MEF2C: variants seen among roughly 807,000 people sequenced by gnomAD.
MEF2C encodes the protein myocyte enhancer factor 2C.
A neutral mutation model predicts 50.5 loss-of-function variants in MEF2C; 6 were observed. The ratio of observed to expected loss-of-function variants is 0.12; its 90% CI spans 0.07 to 0.23. The LOEUF is 0.23. Among genes scored for constraint, MEF2C ranks in the 10% least tolerant of loss-of-function variants. MEF2C has a pLI of 1.00. For missense variants in MEF2C, 276 were observed against 605.0 expected (o/e 0.46, Z 5.70); for synonymous variants, 183 against 228.0 (o/e 0.80, Z 1.78).
intron 2 of MEF2C, among the ~76,000 whole-genome samples, chr5:88,807,224 C>G (rs1349441048): frequency 2.0e-5 from 3 of 152,102 alleles, no homozygotes; most frequent in Admixed American, 1.3e-4. Flanking sequence ...AACAACTTCT[C>G]TTTTGTTTGT....
intron 4 of MEF2C, chr5:88,752,603 G>A: frequency 2.0e-6 from 2 of 984,308 alleles, no homozygotes; most frequent in Non-Finnish European, 2.4e-6. Flanking sequence ...AGATTCAACA[G>A]AGCATGTATC....
intron 4 of MEF2C, among the ~76,000 whole-genome samples, chr5:88,752,379 C>T (rs984109659): frequency 6.6e-6 from 1 of 152,164 alleles, no homozygotes; most frequent in Non-Finnish European, 1.5e-5. Flanking sequence ...ACTGCAAGAT[C>T]AAAGGTGCCT....
intron 1 of MEF2C, among the ~76,000 whole-genome samples, chr5:88,903,143 G>A (rs1835829640): frequency 6.6e-6 from 1 of 151,472 alleles, no homozygotes; most frequent in African/African-American, 2.4e-5. Context: ...AAATATTTTT[G>A]CCTAAACTTT....
chr5:88,774,176 T>TA (rs1312999999), intron 3 of MEF2C, among the ~76,000 whole-genome samples: 4 of 151,766 alleles, frequency 2.6e-5, no homozygotes, highest in African/African-American at 9.7e-5. Context: ...TAGAAGTTGT[T>TA]AGAGTTTCAG....
intron 1 of MEF2C, among the ~76,000 whole-genome samples, chr5:88,856,891 A>G (rs1823619671): frequency 6.6e-6 from 1 of 152,250 alleles, no homozygotes; most frequent in African/African-American, 2.4e-5. Flanking sequence ...ATGTGGTCAG[A>G]GCCCTGACAT....
chr5:88,764,807 C>CA (rs869119169), intron 3 of MEF2C, among the ~76,000 whole-genome samples: 1,062 of 73,364 alleles, frequency 0.014, 11 homozygotes, highest in East Asian at 0.036. Flanking sequence ...GACTCCATCT[C>CA]AAAAAAAAAA....
chr5:88,777,902 T>TG (rs1173402574), intron 3 of MEF2C, among the ~76,000 whole-genome samples: 2 of 131,394 alleles, frequency 1.5e-5, no homozygotes, highest in African/African-American at 5.8e-5. Flanking sequence ...TTCTTTTCTT[T>TG]TTTTTTTTTT....
chr5:88,762,255 A>G (rs943398222), intron 3 of MEF2C, among the ~76,000 whole-genome samples: 7 of 152,284 alleles, frequency 4.6e-5, no homozygotes, highest in Admixed American at 1.3e-4. Context: ...CAGAAAAAGT[A>G]TAAGTTAGGA....
intron 3 of MEF2C, among the ~76,000 whole-genome samples, chr5:88,783,602 C>T (rs1162274822): frequency 6.6e-6 from 1 of 151,986 alleles, no homozygotes; most frequent in East Asian, 1.9e-4. Flanking sequence ...TGCACTCCAG[C>T]CTGGGCAACA....
intron 6 of MEF2C, among the ~76,000 whole-genome samples, chr5:88,744,373 T>C (rs573370830): frequency 2.6e-5 from 4 of 152,162 alleles, no homozygotes; most frequent in Admixed American, 2.6e-4. Context: ...GGACAACGGG[T>C]GAAACCCCAT....
At chr5:88,870,439 CCT>C (rs1829157172) in intron 1 of MEF2C, among the ~76,000 whole-genome samples, 2 of 151,860 alleles carry the variant, frequency 1.3e-5, no homozygotes, top group African/African-American at 4.8e-5. Context: ...TAAACCGAAC[CCT>C]GTTAGTGACA....
intron 3 of MEF2C, among the ~76,000 whole-genome samples, chr5:88,802,798 A>G (rs932766803): frequency 2.0e-5 from 3 of 152,224 alleles, no homozygotes; most frequent in African/African-American, 7.2e-5. Context: ...TATTCCTAAG[A>G]AAAACCCTCA....
chr5:88,891,880 T>A (rs114126895), intron 1 of MEF2C, among the ~76,000 whole-genome samples: 541 of 152,312 alleles, frequency 3.6e-3, no homozygotes, highest in Non-Finnish European at 5.8e-3. Flanking sequence ...ATATATCTTA[T>A]TGTTAATTAG....
At chr5:88,895,908 T>C (rs1371388363) in intron 1 of MEF2C, among the ~76,000 whole-genome samples, 1 of 152,214 alleles carries the variant, frequency 6.6e-6, no homozygotes, top group East Asian at 1.9e-4. Flanking sequence ...TCACTTTAAA[T>C]GAACCTCTCT....
chr5:88,740,375 G>A, intron 6 of MEF2C: 12 of 985,134 alleles, frequency 1.2e-5, no homozygotes, highest in Non-Finnish European at 1.4e-5. Context: ...TTATTACTAA[G>A]TTGTTTTTCC....
intron 1 of MEF2C, among the ~76,000 whole-genome samples, chr5:88,902,384 A>G (rs1449299570): frequency 6.6e-6 from 1 of 151,952 alleles, no homozygotes; most frequent in Non-Finnish European, 1.5e-5. Context: ...AACAATTTAT[A>G]ATAAAAAGTA....
intron 3 of MEF2C, among the ~76,000 whole-genome samples, chr5:88,787,041 T>C (rs935367753): frequency 1.3e-5 from 2 of 152,196 alleles, no homozygotes; most frequent in Non-Finnish European, 2.9e-5. Flanking sequence ...AGAGAACAAA[T>C]ACTGTGTATA....
intron 3 of MEF2C, chr5:88,766,859 A>C: frequency 4.1e-6 from 4 of 981,712 alleles, no homozygotes; most frequent in Non-Finnish European, 4.8e-6. Flanking sequence ...CAACTTAGAA[A>C]AGGTAGTTTC....
chr5:88,891,372 A>G (rs1413957139), intron 1 of MEF2C, among the ~76,000 whole-genome samples: 2 of 151,716 alleles, frequency 1.3e-5, no homozygotes, highest in Admixed American at 6.6e-5. Flanking sequence ...ATTGGCTCAG[A>G]AATGTTAATA....
Sources: gnomAD v4.1 joint callset for allele counts (sites outside exome capture counted in the v4.1 genomes callset) on GRCh38, gnomAD v4.1.1 for gene constraint, MANE v1.5 for transcripts, NCBI Gene and HGNC (gene_info 2026-07-23, HGNC 2026-07-21) for gene names.